Variants in WWTR1 observed in about 807,000 individuals in gnomAD.
WWTR1 encodes the protein WW domain containing transcription regulator 1.
WWTR1 carries 13 observed loss-of-function variants against 40.1 expected under a neutral mutation model. The ratio of observed to expected loss-of-function variants is 0.32; its 90% CI spans 0.21 to 0.52. The LOEUF (loss-of-function observed/expected upper bound fraction) is 0.52, where lower values mean the gene tolerates loss of function less well. WWTR1 is among the 20% of genes least tolerant of loss of function. WWTR1 has a pLI of 0.97. For missense variants in WWTR1, 436 were observed against 523.1 expected, an observed-to-expected ratio of 0.83 and a Z score of 1.63; for synonymous variants, 230 against 210.1, an observed-to-expected ratio of 1.09 and a Z score of -0.82.
chr3:149,670,629 G>C (rs1001416458), intron 1 of WWTR1: 1 of 128,878 alleles, frequency 7.8e-6, no homozygotes, highest in Non-Finnish European at 1.6e-5. Flanking sequence ...GGGCGACAGA[G>C]CGAGACTCCG....
chr3:149,606,807 T>C (rs1739511355), intron 2 of WWTR1, among the ~76,000 whole-genome samples: 1 of 152,190 alleles, frequency 6.6e-6, no homozygotes, highest in Non-Finnish European at 1.5e-5. Flanking sequence ...AGTTGAGACT[T>C]ACCAGGAATT....
At position 149,708,749 on chromosome 3, in the gene WWTR1, T is replaced by C. The variant is rs184131506; in HGVS notation, n.585-5421A>G. ...TTAGGTTGATTTCATATCTTGACTA[T>C]TGTGAATAGTGCTTCAGTGAACATG... On this transcript the variant is annotated intron_variant and non_coding_transcript_variant, in intron 5 of 6. Transcript: ENST00000474080. Among the ~76,000 whole-genome samples the C allele has an allele frequency of 4.1e-3, 629 of 152,324 alleles. 5 individuals are homozygous for C. Among genetic ancestry groups the C allele is most frequent in the African/African-American group, 0.015 (604 of 41,576 alleles).
chr3:149,700,549 A>G (rs751548864), intron 1 of WWTR1, among the ~76,000 whole-genome samples: 4 of 152,286 alleles, frequency 2.6e-5, no homozygotes, highest in Non-Finnish European at 5.9e-5. Context: ...GACTGAGTAC[A>G]TACACTAGCC....
chr3:149,570,397 C>T (rs1306104009), intron 3 of WWTR1, among the ~76,000 whole-genome samples: 3 of 151,920 alleles, frequency 2.0e-5, no homozygotes, highest in Admixed American at 6.6e-5. Flanking sequence ...GGTGAAATCC[C>T]GTCTCTACTA....
intron 2 of WWTR1, among the ~76,000 whole-genome samples, chr3:149,624,666 T>C (rs949458796): frequency 1.3e-5 from 2 of 152,136 alleles, no homozygotes; most frequent in Non-Finnish European, 2.9e-5. Flanking sequence ...ATACGTACTG[T>C]TTCTTAATAA....
chr3:149,676,746 T>C lies in WWTR1; in HGVS notation c.-107-6855A>G, dbSNP rs7625310. Among the ~76,000 whole-genome samples the C allele has an allele frequency of 4.7e-3, 709 of 152,112 alleles. 2 individuals carry two copies. The highest frequency in any genetic ancestry group is 0.017 in the African/African-American group (685 of 41,480). The stretch of plus-strand genomic sequence containing the variant: ...CTGCTTGCCACACACCACTGACTTT[T>C]TAAGGGAGACAATAAAGGGAGAGCA... On this transcript the variant is annotated intron_variant, in intron 1 of 7. Coordinates refer to the WWTR1 transcript ENST00000465804.
intron 2 of WWTR1, among the ~76,000 whole-genome samples, chr3:149,619,256 G>T (rs906141368): frequency 6.6e-6 from 1 of 152,064 alleles, no homozygotes; most frequent in Non-Finnish European, 1.5e-5. Flanking sequence ...AAATAGCACT[G>T]TTCCCCTCCC....
intron 3 of WWTR1, among the ~76,000 whole-genome samples, chr3:149,568,559 A>C (rs1046593506): frequency 6.5e-5 from 9 of 137,986 alleles, no homozygotes; most frequent in South Asian, 2.4e-4. Context: ...AAAAAAAAAA[A>C]ACCATATTTT....
intron 6 of WWTR1, among the ~76,000 whole-genome samples, chr3:149,523,129 C>A (rs1735140809): frequency 6.6e-6 from 1 of 151,796 alleles, no homozygotes; most frequent in Non-Finnish European, 1.5e-5. Flanking sequence ...AGGATACTGG[C>A]TAAGCTTCTT....
intron 2 of WWTR1, among the ~76,000 whole-genome samples, chr3:149,600,731 C>T (rs903443832): frequency 5.3e-5 from 8 of 152,294 alleles, no homozygotes; most frequent in Middle Eastern, 3.4e-3. Flanking sequence ...ACATTATCAA[C>T]TGCTTGACCA....
At chr3:149,723,558 T>C (rs1715807996) in intron 4 of WWTR1, among the ~76,000 whole-genome samples, 1 of 152,140 alleles carries the variant, frequency 6.6e-6, no homozygotes, top group African/African-American at 2.4e-5. Context: ...GCCAGAAGTA[T>C]AAAGTTAAGA....
intron 2 of WWTR1, among the ~76,000 whole-genome samples, chr3:149,644,963 G>A (rs1041558683): frequency 5.3e-5 from 8 of 151,918 alleles, no homozygotes; most frequent in African/African-American, 1.7e-4. Flanking sequence ...AGCAATTCTC[G>A]TGTCTCAGCC....
chr3:149,590,033 T>A (rs1021994468), intron 2 of WWTR1, among the ~76,000 whole-genome samples: 1 of 152,194 alleles, frequency 6.6e-6, no homozygotes, highest in Non-Finnish European at 1.5e-5. Flanking sequence ...TCATTCCTGT[T>A]GATTCTGCAA....
chr3:149,687,408 T>C (rs1018198183), intron 1 of WWTR1, among the ~76,000 whole-genome samples: 2 of 152,216 alleles, frequency 1.3e-5, no homozygotes, highest in Non-Finnish European at 2.9e-5. Flanking sequence ...TGAAAAGAGA[T>C]GGCATGCCTG....
intron 3 of WWTR1, among the ~76,000 whole-genome samples, chr3:149,560,513 T>C (rs1561025): frequency 0.25 from 38,686 of 152,174 alleles, 5,673 homozygotes; most frequent in South Asian, 0.41. Context: ...ATAGTTCCAT[T>C]CTAATTAATT....
intron 4 of WWTR1, among the ~76,000 whole-genome samples, chr3:149,536,162 G>A (rs58783823): frequency 0.09 from 13,733 of 152,226 alleles, 1,445 homozygotes; most frequent in African/African-American, 0.24. Flanking sequence ...GCTCTGTGAG[G>A]GAAGGGGCTG....
chr3:149,642,209 T>C (rs1460680520), intron 2 of WWTR1, among the ~76,000 whole-genome samples: 1 of 145,278 alleles, frequency 6.9e-6, no homozygotes, highest in Non-Finnish European at 1.5e-5. Flanking sequence ...TCACCTGAGG[T>C]TGGGAGTTCA....
intron 4 of WWTR1, among the ~76,000 whole-genome samples, chr3:149,533,071 T>A (rs142035597): frequency 2.5e-4 from 38 of 152,320 alleles, no homozygotes; most frequent in Middle Eastern, 6.8e-3. Context: ...TTGTCACTCA[T>A]TTCCCACTGT....
At chr3:149,680,828 C>A (rs1365774491) in intron 1 of WWTR1, among the ~76,000 whole-genome samples, 2 of 152,104 alleles carry the variant, frequency 1.3e-5, no homozygotes, top group East Asian at 1.9e-4. Context: ...AATGACAGAG[C>A]AAGGCCCTGT....
Sources: gnomAD v4.1 joint callset for allele counts (sites outside exome capture counted in the v4.1 genomes callset) on GRCh38, gnomAD v4.1.1 for gene constraint, MANE v1.5 for transcripts, NCBI Gene and HGNC (gene_info 2026-07-23, HGNC 2026-07-21) for gene names.